Variants in AKAP19 observed in about 807,000 individuals in gnomAD.
AKAP19 encodes the protein A-kinase anchoring protein 19, also known as small A-kinase anchoring protein.
chr2:190,059,963 A>G, the AKAP19 span: 1 of 1,301,718 alleles, frequency 7.7e-7, no homozygotes, highest in Non-Finnish European at 1.1e-6. Flanking sequence ...TGTCTAGCTT[A>G]TGAGCTTAGG....
the AKAP19 span, among the ~76,000 whole-genome samples, chr2:190,066,562 G>GA: frequency 6.6e-6 from 1 of 152,226 alleles, no homozygotes; most frequent in African/African-American, 2.4e-5. Flanking sequence ...CTTAGAGCCA[G>GA]AAAAAATCTG....
At chr2:189,949,114 C>T in the AKAP19 span, among the ~76,000 whole-genome samples, 1 of 152,176 alleles carries the variant, frequency 6.6e-6, no homozygotes, top group African/African-American at 2.4e-5. Flanking sequence ...TCTTTGCATA[C>T]TCAAGTCCCA....
the AKAP19 span, among the ~76,000 whole-genome samples, chr2:189,927,698 G>A: frequency 6.6e-5 from 10 of 152,020 alleles, no homozygotes; most frequent in East Asian, 9.6e-4. Context: ...ATATTCTCTC[G>A]TGTAATCTTA....
chr2:190,194,156 A>G, the AKAP19 span, among the ~76,000 whole-genome samples: 1 of 152,180 alleles, frequency 6.6e-6, no homozygotes, highest in Admixed American at 6.5e-5. Flanking sequence ...AAATCTGCTG[A>G]GACTACCAAT....
the AKAP19 span, among the ~76,000 whole-genome samples, chr2:190,115,179 G>A: frequency 7.3e-6 from 1 of 137,822 alleles, no homozygotes; most frequent in East Asian, 2.1e-4. Flanking sequence ...GAGGGGGAGA[G>A]AGACAGAGAG....
the AKAP19 span, among the ~76,000 whole-genome samples, chr2:190,067,808 C>A: frequency 6.6e-6 from 1 of 152,106 alleles, no homozygotes; most frequent in Non-Finnish European, 1.5e-5. Flanking sequence ...TCCCTCCTTC[C>A]CAAAATGGGA....
the AKAP19 span, among the ~76,000 whole-genome samples, chr2:189,881,352 G>A: frequency 8.5e-5 from 13 of 152,166 alleles, no homozygotes; most frequent in Admixed American, 3.9e-4. Flanking sequence ...TCTGATTGGC[G>A]TCTCCAAAGG....
chr2:189,985,930 C>T, the AKAP19 span, among the ~76,000 whole-genome samples: 10 of 152,090 alleles, frequency 6.6e-5, no homozygotes, highest in Non-Finnish European at 1.2e-4. Context: ...AAATTATCTA[C>T]TTGGGTGTCC....
At chr2:190,127,369 C>A in the AKAP19 span, among the ~76,000 whole-genome samples, 1 of 151,752 alleles carries the variant, frequency 6.6e-6, no homozygotes, top group Non-Finnish European at 1.5e-5. Flanking sequence ...CCTCCTCCAA[C>A]CGCACATCCC....
At chr2:189,996,271 G>C in the AKAP19 span, among the ~76,000 whole-genome samples, 1 of 152,092 alleles carries the variant, frequency 6.6e-6, no homozygotes, top group East Asian at 1.9e-4. Context: ...CCCAATTTTT[G>C]GGGGAGCTTT....
chr2:189,927,695 C>T, the AKAP19 span, among the ~76,000 whole-genome samples: 1 of 152,132 alleles, frequency 6.6e-6, no homozygotes, highest in Admixed American at 6.5e-5. Context: ...AGGATATTCT[C>T]TCGTGTAATC....
chr2:189,932,407 C>CA, the AKAP19 span, among the ~76,000 whole-genome samples: 1,516 of 124,044 alleles, frequency 0.012, 26 homozygotes, highest in African/African-American at 0.04. Flanking sequence ...GACTCCAACT[C>CA]AAAAAAAAAA....
chr2:190,028,844 C>T, the AKAP19 span, among the ~76,000 whole-genome samples: 64 of 152,194 alleles, frequency 4.2e-4, no homozygotes, highest in African/African-American at 1.4e-3. Flanking sequence ...ACTTGATTAT[C>T]TTCAGGATTG....
the AKAP19 span, among the ~76,000 whole-genome samples, chr2:190,194,122 A>G: frequency 6.6e-6 from 1 of 152,160 alleles, no homozygotes; most frequent in Non-Finnish European, 1.5e-5. Flanking sequence ...TAGAAATTGT[A>G]CTGTGTAATG....
At chr2:189,928,037 C>T in the AKAP19 span, among the ~76,000 whole-genome samples, 2 of 152,074 alleles carry the variant, frequency 1.3e-5, no homozygotes, top group Non-Finnish European at 2.9e-5. Flanking sequence ...AATCAAGTGA[C>T]ATTTAGATTT....
chr2:190,065,618 A>G, the AKAP19 span, among the ~76,000 whole-genome samples: 1 of 152,184 alleles, frequency 6.6e-6, no homozygotes, highest in Non-Finnish European at 1.5e-5. Context: ...ATGTATTTGT[A>G]AACAAAAACA....
chr2:190,104,075 A>C, the AKAP19 span, among the ~76,000 whole-genome samples: 25 of 152,332 alleles, frequency 1.6e-4, no homozygotes, highest in Non-Finnish European at 3.4e-4. Flanking sequence ...TGACGAAAAT[A>C]AGCAATGAGG....
chr2:190,039,186 C>T, the AKAP19 span, among the ~76,000 whole-genome samples: 3 of 152,002 alleles, frequency 2.0e-5, no homozygotes, highest in African/African-American at 7.3e-5. Context: ...TCAAGCGATT[C>T]TCCTGCCTCA....
chr2:190,039,976 A>G, the AKAP19 span, among the ~76,000 whole-genome samples: 1 of 152,192 alleles, frequency 6.6e-6, no homozygotes, highest in African/African-American at 2.4e-5. Context: ...TACTGCTGCA[A>G]TGAACATTTG....
Sources: allele counts gnomAD v4.1 joint callset (sites outside exome capture counted in the v4.1 genomes callset), GRCh38; gene constraint gnomAD v4.1.1; transcripts MANE v1.5; gene names NCBI Gene and HGNC (gene_info 2026-07-23, HGNC 2026-07-21).